Variants in CCDC158 observed in about 807,000 individuals in gnomAD.
CCDC158 encodes coiled-coil domain-containing protein 158.
Under a neutral mutation model 138.6 loss-of-function variants are expected in CCDC158, and 116 were observed. That is an observed-to-expected ratio of 0.84 (90% CI 0.72 to 0.98). The LOEUF is 0.98. Among genes scored for constraint, CCDC158 ranks in the 50% least tolerant of loss-of-function variants. The probability of loss-of-function intolerance (pLI) is 0.00; values close to 1 mark genes in which losing one functional copy is unlikely to be tolerated. For missense variants in CCDC158, 1,265 were observed against 1,306.1 expected (o/e 0.97, Z 0.48); for synonymous variants, 436 against 442.4 (o/e 0.99, Z 0.18).
chr4:76,332,594 G>A (rs143307493), intron 19 of CCDC158, 103 bp from the exon 20 acceptor site: 4 of 880,690 alleles, frequency 4.5e-6, no homozygotes, highest in Non-Finnish European at 6.7e-6. Context: ...TTTTCTTTTA[G>A]TGACAGCTGT....
At chr4:76,420,681 G>C (rs952295244) in intron 1 of CCDC158, among the ~76,000 whole-genome samples, 1 of 152,188 alleles carries the variant, frequency 6.6e-6, no homozygotes, top group Non-Finnish European at 1.5e-5. Flanking sequence ...CGTTGGGGCA[G>C]GTTACTCGGT....
At chr4:76,421,243 T>G (rs113963025), upstream of CCDC158, among the ~76,000 whole-genome samples, 4,539 of 151,450 alleles carry the variant, frequency 0.03, 221 homozygotes, top group African/African-American at 0.1. Context: ...GCTTCGTAGT[T>G]GGGGGAGGGG....
chr4:76,321,668 ATT>A (rs201473863), intron 24 of CCDC158, among the ~76,000 whole-genome samples: 27 of 145,792 alleles, frequency 1.9e-4, no homozygotes, highest in African/African-American at 2.7e-4. Flanking sequence ...TACCATGTAT[ATT>A]TTTATATATA....
At chr4:76,389,108 A>G (rs551861822) in intron 4 of CCDC158, among the ~76,000 whole-genome samples, 13 of 152,112 alleles carry the variant, frequency 8.5e-5, no homozygotes, top group Admixed American at 2.0e-4. Context: ...CACTAAATGA[A>G]CTAAGTAAGG....
chr4:76,401,798 G>A (rs904411462), intron 3 of CCDC158, among the ~76,000 whole-genome samples: 3 of 152,102 alleles, frequency 2.0e-5, no homozygotes, highest in African/African-American at 4.8e-5. Context: ...ACAGGATGAC[G>A]ATGCACCTAA....
At chr4:76,402,040 G>A (rs1728439818) in intron 3 of CCDC158, 1 of 152,198 alleles carries the variant, frequency 6.6e-6, no homozygotes, top group Admixed American at 6.5e-5. Flanking sequence ...ATCAGTAACT[G>A]AGAATAACCT....
chr4:76,344,700 C>T (rs1332250518), intron 18 of CCDC158: 17 of 1,613,832 alleles, frequency 1.1e-5, no homozygotes, highest in Middle Eastern at 3.3e-4. Context: ...TGTTACAAGG[C>T]AACATGAAGA....
At chr4:76,358,314 A>T (rs1185800055) in intron 13 of CCDC158, among the ~76,000 whole-genome samples, 1 of 152,108 alleles carries the variant, frequency 6.6e-6, no homozygotes, top group Non-Finnish European at 1.5e-5. Context: ...CTTTCCTTCC[A>T]TTCTCACTGC....
chr4:76,375,333 C>T (rs1029824485), intron 9 of CCDC158: 2 of 415,588 alleles, frequency 4.8e-6, no homozygotes, highest in African/African-American at 4.1e-5. Context: ...CCAATCATAT[C>T]AAATCACACG....
At chr4:76,354,031 G>A (rs1016401966) in intron 15 of CCDC158, among the ~76,000 whole-genome samples, 8 of 152,086 alleles carry the variant, frequency 5.3e-5, no homozygotes, top group Non-Finnish European at 1.2e-4. Flanking sequence ...CCTTTTCTGA[G>A]TAGATTAGGC....
rs371951829 is a variant in CCDC158 at position 76,396,403 on chromosome 4, G to T, written c.154C>A (p.Pro52Thr). 4 of 1,613,900 alleles carry T rather than the reference G, an allele frequency of 2.5e-6. No homozygotes were observed. Among genetic ancestry groups the T allele is most frequent in the Non-Finnish European group, 3.4e-6 (4 of 1,179,854 alleles). Residue 52 changes from proline (P) to threonine (T), a missense_variant, in exon 4 of 25, where the codon CCT becomes ACT. Transcript: ENST00000682701. ...TCCACTTCATATTTAGGGAAAAAAG[G>T]AACCTGTGTCAAAGTCCCAGCTGAA... is the stretch of plus-strand genomic sequence containing the variant. ...TSSAGTLTQVPFFPKYEVELD... is the reference protein window; with the variant it reads ...TSSAGTLTQVTFFPKYEVELD...
At chr4:76,375,668 T>C (rs1486708696) in intron 9 of CCDC158, 1 of 699,664 alleles carries the variant, frequency 1.4e-6, no homozygotes, top group African/African-American at 1.8e-5. Flanking sequence ...CAGCTTCTAC[T>C]GGTCCAAATT....
chr4:76,378,646 T>C (rs1725940804), intron 9 of CCDC158, among the ~76,000 whole-genome samples: 1 of 151,708 alleles, frequency 6.6e-6, no homozygotes, highest in African/African-American at 2.4e-5. Context: ...TGGCAGCTCC[T>C]TGTTTGTTTT....
At chr4:76,409,460 G>A (rs1236652109) in intron 2 of CCDC158, among the ~76,000 whole-genome samples, 6 of 152,094 alleles carry the variant, frequency 3.9e-5, no homozygotes, top group Admixed American at 2.6e-4. Flanking sequence ...CTGACATGCC[G>A]AAGGTCTATT....
chr4:76,367,811 G>A, intron 11 of CCDC158, 35 bp from the exon 12 acceptor site: 1 of 1,566,906 alleles, frequency 6.4e-7, no homozygotes. Context: ...TCATAGATTT[G>A]GGAGGATAGG....
intron 18 of CCDC158, among the ~76,000 whole-genome samples, chr4:76,341,441 T>C (rs1452694876): frequency 6.6e-6 from 1 of 152,194 alleles, no homozygotes; most frequent in Non-Finnish European, 1.5e-5. Flanking sequence ...TTACATAATA[T>C]ATTAGGAATA....
chr4:76,319,432 C>CAA (rs71659321), intron 24 of CCDC158, among the ~76,000 whole-genome samples: 2 of 23,942 alleles, frequency 8.4e-5, no homozygotes, highest in African/African-American at 2.0e-4. Context: ...GACTCCGTAT[C>CAA]AAAAAAAAAA....
intron 9 of CCDC158, chr4:76,375,847 T>C: frequency 2.1e-6 from 1 of 473,796 alleles, no homozygotes. Context: ...AGAGAAATAT[T>C]AACTTCCAAA....
chr4:76,412,829 G>A (rs1451040751), intron 1 of CCDC158, among the ~76,000 whole-genome samples: 1 of 152,116 alleles, frequency 6.6e-6, no homozygotes, highest in Non-Finnish European at 1.5e-5. Context: ...ATATGCTATT[G>A]GCCCAATTTT....
Sources: gnomAD v4.1 joint callset for allele counts (sites outside exome capture counted in the v4.1 genomes callset) on GRCh38, gnomAD v4.1.1 for gene constraint, MANE v1.5 for transcripts, NCBI Gene and HGNC (gene_info 2026-07-23, HGNC 2026-07-21) for gene names.